The following JHY variants were observed in gnomAD, a reference collection of about 807,000 sequenced individuals.
JHY encodes the protein junctional cadherin complex regulator, also known as jhy protein homolog.
Under a neutral mutation model 78.0 loss-of-function variants are expected in JHY, and 69 were observed. That is an observed-to-expected ratio of 0.88 (90% CI 0.73 to 1.08). JHY has a LOEUF of 1.08. Ranked by LOEUF, JHY falls within the 50% of genes least tolerant of loss-of-function variation. JHY has a pLI of 0.00. For synonymous variants in JHY, 368 were observed against 342.6 expected (o/e 1.07, Z -0.82); for missense variants, 944 against 927.8 (o/e 1.02, Z -0.23).
At position 122,898,942 on chromosome 11, in the gene JHY, TCTC is replaced by T. The variant is rs957795396; in HGVS notation, c.345-4980_345-4978del. Among the ~76,000 whole-genome samples the T allele has an allele frequency of 2.8e-4, 42 of 152,034 alleles. No individual in the cohort carries two copies. The highest frequency in any genetic ancestry group is 9.9e-4 in the African/African-American group (41 of 41,412). ...AAAGCACCACATTGTCTCTGCCTCC[TCTC>T]CTTTTTACATGCTGTTCCCTCAGCC... On this transcript the variant is annotated intron_variant, in intron 2 of 8. Transcript: ENST00000227349. The surrounding 1 kb of genome is among the most constrained non-coding windows in gnomAD (Gnocchi z 4.4).
intron 5 of JHY, among the ~76,000 whole-genome samples, chr11:122,945,626 G>A (rs1303692347): frequency 6.6e-6 from 1 of 152,110 alleles, no homozygotes; most frequent in Admixed American, 6.5e-5. Flanking sequence ...GGCTTGGGTG[G>A]GAGTGTATTT....
At chr11:122,931,022 G>T (rs75227544) in intron 4 of JHY, among the ~76,000 whole-genome samples, 3 of 152,132 alleles carry the variant, frequency 2.0e-5, no homozygotes, top group African/African-American at 4.8e-5. Context: ...ACAATGGAGG[G>T]GGGGAATGAG....
Position 122,963,736 on chromosome 11 carries a change from C to T in JHY, c.*4291C>T, listed in dbSNP as rs916295695. ...CTGCCAATTAGAAAACAAAAAACTT[C>T]AAACTTAAGTGATGTAATGATGGAG... is the stretch of plus-strand genomic sequence containing the variant. On this transcript the variant is annotated 3_prime_UTR_variant, in exon 9 of 9. Transcript: ENST00000227349. 5.3e-5 allele frequency among the ~76,000 whole-genome samples: 8 copies of T among 152,114 alleles called. No individual in the cohort carries two copies. The highest frequency in any genetic ancestry group is 3.9e-4 in the Admixed American group (6 of 15,272).
Position 122,956,473 on chromosome 11 carries a change from T to G in JHY, c.1930-23T>G, listed in dbSNP as rs377077046. 2.5e-6 allele frequency: 4 copies of G among 1,610,760 alleles called. No homozygotes were observed. In the African/African-American group the frequency reaches 5.3e-5, roughly 22 times the overall value. On this transcript the variant is annotated intron_variant, in intron 6 of 8. Transcript: ENST00000227349. Reference sequence around the variant, plus strand: ...GGACACACAAGTCCTTAAAAGAAACTGTTTCTGTGGTTGTATTTTTAGAAC... The same window carrying G: ...GGACACACAAGTCCTTAAAAGAAACGGTTTCTGTGGTTGTATTTTTAGAAC...
rs956207593 is a variant in JHY at position 122,898,094 on chromosome 11, G to A, written c.345-5831G>A. The stretch of plus-strand genomic sequence containing the variant: ...AACGTCCTGTATTTCTTTACACATC[G>A]AATTCATTAGTTGATTACTGTATTA... On this transcript the variant is annotated intron_variant, in intron 2 of 8. Transcript: ENST00000227349. This position sits in a 1 kb window ranked among gnomAD's most constrained non-coding sequence, Gnocchi z 4.4. 9.2e-5 allele frequency among the ~76,000 whole-genome samples: 14 copies of A among 152,080 alleles called. No individual in the cohort carries two copies. The highest frequency in any genetic ancestry group is 3.1e-4 in the African/African-American group (13 of 41,412).
chr11:122,890,818 A>G (rs1169028613), intron 2 of JHY, among the ~76,000 whole-genome samples: 1 of 152,176 alleles, frequency 6.6e-6, no homozygotes, highest in African/African-American at 2.4e-5. Flanking sequence ...GATGAACTGT[A>G]AATCCTAGGG....
At chr11:122,944,265 C>T (rs1320430381) in intron 5 of JHY, among the ~76,000 whole-genome samples, 1 of 152,188 alleles carries the variant, frequency 6.6e-6, no homozygotes, top group East Asian at 1.9e-4. Flanking sequence ...TTTATTTCTA[C>T]AGTCTTAATT....
intron 8 of JHY, chr11:122,958,934 G>A (rs757536665): frequency 4.9e-5 from 48 of 985,134 alleles, no homozygotes; most frequent in South Asian, 9.4e-5. Flanking sequence ...TAAGACTTCC[G>A]GAAACTAAGT....
intron 6 of JHY, among the ~76,000 whole-genome samples, chr11:122,949,708 C>T (rs1046432502): frequency 6.6e-6 from 1 of 152,144 alleles, no homozygotes; most frequent in Non-Finnish European, 1.5e-5. Flanking sequence ...CTCATGTCCT[C>T]CCCTCTGCTG....
chr11:122,885,703 C>A, intron 1 of JHY, 58 bp from the exon 2 acceptor site: 1 of 620,632 alleles, frequency 1.6e-6, no homozygotes, highest in Non-Finnish European at 2.8e-6. Flanking sequence ...ATTTGATTAA[C>A]GTTGACAGTA....
rs765235175 is a variant in JHY, at chr11:122,905,274, C to T, written c.864+830C>T. On this transcript the variant is annotated intron_variant, in intron 3 of 8. Coordinates refer to ENST00000227349, the MANE Select transcript of JHY (RefSeq NM_024806.4). ...AGGTGCACATAAAGACCTTCCTGCC[C>T]ACCTCCTATGGACATGTCCAGGGAT... 95 of 1,613,352 alleles carry T rather than the reference C, an allele frequency of 5.9e-5. 1 individual carries two copies. The highest frequency in any genetic ancestry group is 1.2e-4 in the South Asian group (11 of 90,920).
At chr11:122,888,167 G>T (rs1862536044) in intron 2 of JHY, among the ~76,000 whole-genome samples, 1 of 152,196 alleles carries the variant, frequency 6.6e-6, no homozygotes, top group Non-Finnish European at 1.5e-5. Flanking sequence ...CAAGAGGCTT[G>T]CAGGACAGCT....
chr11:122,885,458 A>T (rs954395767), intron 1 of JHY, among the ~76,000 whole-genome samples: 1 of 152,220 alleles, frequency 6.6e-6, no homozygotes. Flanking sequence ...GTCTTAGTCC[A>T]GGCTTGTCTG....
At position 122,883,499 on chromosome 11, in the gene JHY, G is replaced by C. The variant is rs56919486; in HGVS notation, c.-90+527G>C. 0.31 allele frequency among the ~76,000 whole-genome samples: 46,554 copies of C among 151,958 alleles called. 7,454 individuals are homozygous for C. The highest frequency in any genetic ancestry group is 0.45 in the East Asian group (2,294 of 5,142). On this transcript the variant is annotated intron_variant, in intron 1 of 8. Coordinates refer to ENST00000227349, the MANE Select transcript of JHY (RefSeq NM_024806.4). This position sits in a 1 kb window ranked among gnomAD's most constrained non-coding sequence, Gnocchi z 4.4. ...TCCCTGGGGAGCTGGCCGCTTCTTA[G>C]TCCCTAGGTGCCATCGGATCTATCG...
intron 2 of JHY, among the ~76,000 whole-genome samples, chr11:122,895,005 A>T (rs1459863106): frequency 6.6e-6 from 1 of 152,068 alleles, no homozygotes. Context: ...GAACCATTTT[A>T]TTTCATATTT....
At position 122,959,535 on chromosome 11, in the gene JHY, T is replaced by C; in HGVS notation, c.*90T>C. 8.2e-7 allele frequency: 1 copy of C among 1,220,482 alleles called. No homozygotes were observed. Among genetic ancestry groups the C allele is most frequent in the South Asian group, 1.4e-5 (1 of 69,646 alleles). 75.6% of individuals were successfully genotyped at this position (1,220,482 alleles called of 1,614,324 possible). Reference sequence around the variant, plus strand: ...ACCACCTTCTCTGCGTTGAGAGTAATGGCCTATTATTATCATCTATCTGCC... The same window carrying C: ...ACCACCTTCTCTGCGTTGAGAGTAACGGCCTATTATTATCATCTATCTGCC... On this transcript the variant is annotated 3_prime_UTR_variant, in exon 9 of 9. Transcript: ENST00000227349.
chr11:122,909,579 T>A (rs1863070585), intron 3 of JHY, among the ~76,000 whole-genome samples: 1 of 152,224 alleles, frequency 6.6e-6, no homozygotes, highest in South Asian at 2.1e-4. Context: ...CAGGAGTTTG[T>A]GACCAGTCTG....
In JHY at chr11:122,962,131, T is replaced by C. The variant is rs772315059; in HGVS notation, c.*2686T>C. Among the ~76,000 whole-genome samples, 6 of 152,400 alleles carry C rather than the reference T, an allele frequency of 3.9e-5. No homozygotes were observed. In the South Asian group the frequency reaches 1.2e-3, roughly 32 times the overall value. On this transcript the variant is annotated 3_prime_UTR_variant, in exon 9 of 9. Coordinates refer to ENST00000227349, the MANE Select transcript of JHY (RefSeq NM_024806.4). ...TTTTTAGTTTTTAAATCTTTTTTAA[T>C]ATTGCAAGAATTCCCAGTCTTAAAA...
intron 5 of JHY, among the ~76,000 whole-genome samples, chr11:122,938,879 T>C (rs1863811292): frequency 1.3e-5 from 2 of 152,104 alleles, no homozygotes; most frequent in African/African-American, 4.8e-5. Flanking sequence ...AGAAGACTTG[T>C]TGGCTTCTTC....
Sources: gnomAD v4.1 joint callset for allele counts (sites outside exome capture counted in the v4.1 genomes callset) on GRCh38, gnomAD v4.1.1 for gene constraint, Gnocchi (gnomAD v3.1) non-coding constraint, MANE v1.5 for transcripts, NCBI Gene and HGNC (gene_info 2026-07-23, HGNC 2026-07-21) for gene names.